GNB1: variants seen among roughly 807,000 people sequenced by gnomAD.
GNB1 encodes the protein guanine nucleotide-binding protein G(I)/G(S)/G(T) subunit beta-1.
A neutral mutation model predicts 42.9 loss-of-function variants in GNB1; 2 were observed. The ratio of observed to expected loss-of-function variants is 0.05; its 90% CI spans 0.02 to 0.15. The LOEUF is 0.15. Ranked by LOEUF, GNB1 falls within the 10% of genes least tolerant of loss-of-function variation. The pLI is 1.00. For synonymous variants in GNB1, 183 were observed against 174.7 expected, an observed-to-expected ratio of 1.05 and a Z score of -0.38; for missense variants, 193 against 462.2, an observed-to-expected ratio of 0.42 and a Z score of 5.34.
At chr1:1,802,091 C>T (rs1471817638) in intron 7 of GNB1, among the ~76,000 whole-genome samples, 1 of 152,154 alleles carries the variant, frequency 6.6e-6, no homozygotes, top group Non-Finnish European at 1.5e-5. Flanking sequence ...ACAGAATTAA[C>T]AGGAAAGTTA....
At chr1:1,873,937 A>C (rs909825796) in intron 1 of GNB1, among the ~76,000 whole-genome samples, 4 of 152,188 alleles carry the variant, frequency 2.6e-5, no homozygotes, top group Non-Finnish European at 5.9e-5. Flanking sequence ...GTGGGGACTA[A>C]ATACAAGAGG....
intron 1 of GNB1, among the ~76,000 whole-genome samples, chr1:1,850,890 C>T (rs1647943367): frequency 6.6e-6 from 1 of 152,150 alleles, no homozygotes; most frequent in African/African-American, 2.4e-5. Flanking sequence ...GGGGTTAATT[C>T]AATCTAGTCT....
intron 1 of GNB1, among the ~76,000 whole-genome samples, chr1:1,869,951 C>A (rs767937374): frequency 2.6e-5 from 4 of 152,118 alleles, no homozygotes; most frequent in Non-Finnish European, 5.9e-5. Context: ...CAACCTCCAC[C>A]TCCTGGGTTC....
At chr1:1,808,842 C>T (rs774456460) in intron 5 of GNB1, among the ~76,000 whole-genome samples, 1 of 152,118 alleles carries the variant, frequency 6.6e-6, no homozygotes, top group African/African-American at 2.4e-5. Flanking sequence ...TGGGGTTTCC[C>T]CATGTTACCC....
chr1:1,798,014 G>A (rs1646570004), intron 7 of GNB1, among the ~76,000 whole-genome samples: 1 of 152,244 alleles, frequency 6.6e-6, no homozygotes, highest in Non-Finnish European at 1.5e-5. Context: ...CGAGGGACAG[G>A]CTCAGCCTAG....
chr1:1,808,842 C>G (rs774456460), intron 5 of GNB1, among the ~76,000 whole-genome samples: 6 of 152,118 alleles, frequency 3.9e-5, no homozygotes, highest in Non-Finnish European at 8.8e-5. Context: ...TGGGGTTTCC[C>G]CATGTTACCC....
In GNB1 at chr1:1,814,386, TATTAA is replaced by T. The variant is rs141671401; in HGVS notation, c.203+1365_203+1369del. Among the ~76,000 whole-genome samples the T allele has an allele frequency of 2.0e-3, 305 of 152,322 alleles. 2 individuals carry two copies. The highest frequency in any genetic ancestry group is 7.0e-3 in the African/African-American group (291 of 41,568). On this transcript the variant is annotated intron_variant, in intron 5 of 11. Coordinates refer to ENST00000378609, the MANE Select transcript of GNB1 (RefSeq NM_002074.5). ...CAGTTACACAAATCAAACAGTACTT[TATTAA>T]ATTATTTAGATAGAACAGGCACCAA...
In GNB1 at chr1:1,796,074, G is replaced by A. The variant is rs77305511; in HGVS notation, c.431-2763C>T. Among the ~76,000 whole-genome samples, 1,324 of 152,300 alleles carry A rather than the reference G, an allele frequency of 8.7e-3. 22 individuals are homozygous for A. Among genetic ancestry groups the A allele is most frequent in the African/African-American group, 0.031 (1,268 of 41,548 alleles). ...CTCCAAGTACCCATACAACTATTCT[G>A]TGTTTTCATTTTCAGGAGTGTCCAA... On this transcript the variant is annotated intron_variant, in intron 7 of 11. Transcript: ENST00000378609.
intron 2 of GNB1, among the ~76,000 whole-genome samples, chr1:1,829,866 G>A (rs769936422): frequency 6.6e-5 from 10 of 152,158 alleles, no homozygotes; most frequent in Admixed American, 3.3e-4. Context: ...AGCCTCCCGA[G>A]TAGCTGGGAC....
intron 2 of GNB1, among the ~76,000 whole-genome samples, chr1:1,828,352 A>G (rs370500319): frequency 1.3e-4 from 20 of 152,108 alleles, no homozygotes; most frequent in Admixed American, 1.3e-3. Context: ...TTGTGGCTGG[A>G]GGGTGGTGGG....
intron 1 of GNB1, among the ~76,000 whole-genome samples, chr1:1,889,256 CTTAA>C (rs140209380): frequency 0.053 from 8,121 of 152,254 alleles, 306 homozygotes; most frequent in Non-Finnish European, 0.084. Flanking sequence ...TTCATATTTT[CTTAA>C]TTAATAATCT....
intron 5 of GNB1, among the ~76,000 whole-genome samples, chr1:1,806,787 A>T (rs1646700813): frequency 6.6e-6 from 1 of 152,184 alleles, no homozygotes; most frequent in Non-Finnish European, 1.5e-5. Flanking sequence ...CAGCCTGGCC[A>T]GCATGGCGAA....
intron 1 of GNB1, among the ~76,000 whole-genome samples, chr1:1,859,084 C>T (rs570797443): frequency 6.6e-6 from 1 of 150,810 alleles, no homozygotes; most frequent in Non-Finnish European, 1.5e-5. Context: ...TGCAATAGCG[C>T]GATCTCAGCT....
intron 7 of GNB1, among the ~76,000 whole-genome samples, chr1:1,797,148 C>T (rs534320353): frequency 3.3e-5 from 5 of 152,206 alleles, no homozygotes; most frequent in African/African-American, 7.2e-5. Flanking sequence ...TACCCAAGAA[C>T]GGGACGATGG....
intron 10 of GNB1, chr1:1,788,525 G>C (rs757762788): frequency 6.5e-6 from 1 of 154,914 alleles, no homozygotes; most frequent in African/African-American, 2.4e-5. Context: ...AGGAAGCCCC[G>C]GTAAGGGCCA....
chr1:1,889,170 G>A (rs1171238473), intron 1 of GNB1, among the ~76,000 whole-genome samples: 1 of 152,138 alleles, frequency 6.6e-6, no homozygotes, highest in Non-Finnish European at 1.5e-5. Context: ...TTGCTCCAAA[G>A]ACCTTATTCA....
At chr1:1,873,370 C>T (rs1649355801) in intron 1 of GNB1, among the ~76,000 whole-genome samples, 1 of 152,196 alleles carries the variant, frequency 6.6e-6, no homozygotes, top group South Asian at 2.1e-4. Flanking sequence ...CTGAGGAGAT[C>T]AGAGGCACCC....
intron 6 of GNB1, 138 bp from the exon 7 acceptor site, chr1:1,804,719 T>G: frequency 1.6e-6 from 1 of 640,396 alleles, no homozygotes; most frequent in Non-Finnish European, 2.7e-6. Flanking sequence ...AGAGAGCGAT[T>G]CCCATATGTG....
At chr1:1,869,152 C>T (rs1284060794) in intron 1 of GNB1, among the ~76,000 whole-genome samples, 2 of 138,156 alleles carry the variant, frequency 1.4e-5, no homozygotes, top group African/African-American at 5.5e-5. Context: ...CACCACCGCA[C>T]TCCAGCCTGG....
Sources: gnomAD v4.1 joint callset for allele counts (sites outside exome capture counted in the v4.1 genomes callset) on GRCh38, gnomAD v4.1.1 for gene constraint, MANE v1.5 for transcripts, NCBI Gene and HGNC (gene_info 2026-07-23, HGNC 2026-07-21) for gene names.